FAT1: variants seen among roughly 807,000 people sequenced by gnomAD.
FAT1 encodes the protein protocadherin Fat 1.
Under a neutral mutation model 329.8 loss-of-function variants are expected in FAT1, and 171 were observed. The ratio of observed to expected loss-of-function variants is 0.52; its 90% CI spans 0.46 to 0.59. FAT1 has a LOEUF of 0.59. Ranked by LOEUF, FAT1 falls within the 20% of genes least tolerant of loss-of-function variation. The probability of loss-of-function intolerance (pLI) is 0.00; values close to 1 mark genes in which losing one functional copy is unlikely to be tolerated. For synonymous variants in FAT1, 2,233 were observed against 2,228.6 expected, an observed-to-expected ratio of 1.00 and a Z score of -0.06; for missense variants, 5,672 against 5,774.4, an observed-to-expected ratio of 0.98 and a Z score of 0.57.
rs1218747722 is a variant in FAT1 at position 186,619,888 on chromosome 4, G to C, written c.6698C>G (p.Thr2233Ser). The change falls in exon 10 of 27, where the codon ACT (threonine) becomes AGT (serine). Residue 2233 changes from threonine (T) to serine (S), a missense_variant. Coordinates refer to ENST00000441802, the MANE Select transcript of FAT1 (RefSeq NM_005245.4). ...PFSQFTINFN[T>S]GVINVIAPLD... The stretch of plus-strand genomic sequence containing the variant: ...AGGAGCTATGACATTGATAACTCCA[G>C]TATTGAAGTTAATAGTGAACTGGCT... 1 of 1,613,830 alleles carries C rather than the reference G, an allele frequency of 6.2e-7. No individual in the cohort carries two copies. Among genetic ancestry groups the C allele is most frequent in the East Asian group, 2.2e-5 (1 of 44,890 alleles).
intron 2 of FAT1, among the ~76,000 whole-genome samples, chr4:186,685,167 A>C (rs530428647): frequency 1.3e-5 from 2 of 152,198 alleles, no homozygotes; most frequent in African/African-American, 4.8e-5. Context: ...AGGGCATTAC[A>C]CTGAGATCAA....
intron 2 of FAT1, among the ~76,000 whole-genome samples, chr4:186,666,928 A>G (rs1054087290): frequency 3.3e-5 from 5 of 152,240 alleles, no homozygotes; most frequent in Non-Finnish European, 7.3e-5. Context: ...CGCCAGCAAT[A>G]TCCTTGTCAG....
At position 186,636,803 on chromosome 4, in the gene FAT1, T is replaced by C; in HGVS notation, c.3754A>G (p.Ile1252Val). 1.2e-6 allele frequency: 2 copies of C among 1,614,030 alleles called. No individual in the cohort carries two copies. The highest frequency in any genetic ancestry group is 1.7e-6 in the Non-Finnish European group (2 of 1,179,894). The change falls in exon 5 of 27, where the codon ATC (isoleucine) becomes GTC (valine). Residue 1252 changes from isoleucine (I) to valine (V), a missense_variant. This residue lies in a region of FAT1 where 3,966 missense variants were observed against 3,915.2 expected (regional missense o/e 1.01). Transcript: ENST00000441802. ...KPQFLQKFYK[I>V]RLPEREKPDR... Reference sequence around the variant, plus strand: ...GGCTTTTCCCGCTCAGGGAGTCTGATTTTGTAGAACTTTTGCAGAAACTGA... The same window carrying C: ...GGCTTTTCCCGCTCAGGGAGTCTGACTTTGTAGAACTTTTGCAGAAACTGA...
rs115921693 is a variant in FAT1, at chr4:186,629,663, C to A, written c.4324-900G>T. Among the ~76,000 whole-genome samples, 603 of 152,332 alleles carry A rather than the reference C, an allele frequency of 4.0e-3. 5 individuals are homozygous for A. Among genetic ancestry groups the A allele is most frequent in the African/African-American group, 0.014 (574 of 41,576 alleles). Reference sequence around the variant, plus strand: ...CAGGGGGCCAGGGTCCCAGGCAGAGCGGTCAACCACATGGTGCAGGCCATG... The same window carrying A: ...CAGGGGGCCAGGGTCCCAGGCAGAGAGGTCAACCACATGGTGCAGGCCATG... On this transcript the variant is annotated intron_variant, in intron 7 of 26. Transcript: ENST00000441802.
rs1446003576 is a variant in FAT1 at position 186,611,462 on chromosome 4, A to T, written c.9777T>A (p.Ile3259=). The change falls in exon 14 of 27, where the codon ATT becomes ATA. Residue 3259 remains isoleucine, a synonymous_variant. Coordinates refer to ENST00000441802, the MANE Select transcript of FAT1 (RefSeq NM_005245.4). ...VLQVYAASRD[I]EANAEITYSI... ...AGTAGGTGATTTCTGCATTTGCTTCAATATCCCGACTTGCTGCATACACTT... is the reference window on the plus strand; with the variant it reads ...AGTAGGTGATTTCTGCATTTGCTTCTATATCCCGACTTGCTGCATACACTT... 6.2e-7 allele frequency: 1 copy of T among 1,613,850 alleles called. No individual in the cohort carries two copies. Among genetic ancestry groups the T allele is most frequent in the Non-Finnish European group, 8.5e-7 (1 of 1,179,866 alleles).
In FAT1 at chr4:186,605,977, A is replaced by C. The variant is rs901349456; in HGVS notation, c.10350+93T>G. ...ATTCTACGTTTCCCATTTTTCTAGA[A>C]AGAAACCTTTGGATAAGAAAGAAAA... On this transcript the variant is annotated intron_variant, in intron 17 of 26. Coordinates refer to ENST00000441802, the MANE Select transcript of FAT1 (RefSeq NM_005245.4). 5 of 1,229,686 alleles carry C rather than the reference A, an allele frequency of 4.1e-6. No homozygotes were observed. The African/African-American group carries it at 7.6e-5, about 19-fold the overall frequency. 76.2% of individuals were successfully genotyped at this position (1,229,686 alleles called of 1,614,324 possible). A position where few individuals can be genotyped will look rare whatever the true frequency, so the allele number is the denominator to read the frequency against.
At chr4:186,696,577 C>T (rs1397272697) in intron 2 of FAT1, among the ~76,000 whole-genome samples, 1 of 152,142 alleles carries the variant, frequency 6.6e-6, no homozygotes, top group Non-Finnish European at 1.5e-5. Context: ...TAATGTCAAG[C>T]AGCCCTAAGA....
intron 1 of FAT1, among the ~76,000 whole-genome samples, chr4:186,714,404 C>T (rs1579501558): frequency 6.6e-6 from 1 of 151,884 alleles, no homozygotes; most frequent in African/African-American, 2.4e-5. Flanking sequence ...GGGAGCAGAT[C>T]GGGAGGTCAG....
At position 186,628,547 on chromosome 4, in the gene FAT1, G is replaced by A. The variant is rs763412920; in HGVS notation, c.4540C>T (p.Leu1514Phe). The change falls in exon 8 of 27, where the codon CTC becomes TTC. Residue 1514 changes from leucine to phenylalanine, a missense_variant. Physicochemically the swap from Leu to Phe is conservative, Grantham distance 22. Around this residue, in one of 2 missense-constraint regions of FAT1, gnomAD observed 3,966 missense variants for 3,915.2 expected, o/e 1.01. Coordinates refer to ENST00000441802, the MANE Select transcript of FAT1 (RefSeq NM_005245.4). Reference protein sequence around the residue: ...KFRLDPATGSLYTSEKLDHEA... With the variant: ...KFRLDPATGSFYTSEKLDHEA... ...TGATCCAGTTTCTCAGAAGTATAGAGAGAGCCGGTTGCAGGATCAAGACGA... is the reference window on the plus strand; with the variant it reads ...TGATCCAGTTTCTCAGAAGTATAGAAAGAGCCGGTTGCAGGATCAAGACGA... 7 of 1,613,872 alleles carry A rather than the reference G, an allele frequency of 4.3e-6. No individual in the cohort carries two copies. Among genetic ancestry groups the A allele is most frequent in the Non-Finnish European group, 5.9e-6 (7 of 1,179,900 alleles).
intron 1 of FAT1, among the ~76,000 whole-genome samples, chr4:186,714,532 G>T (rs1158726483): frequency 6.6e-6 from 1 of 152,030 alleles, no homozygotes; most frequent in East Asian, 1.9e-4. Context: ...GTCTAAATAT[G>T]AAAGACGGTA....
chr4:186,677,131 A>C (rs2126639726), intron 2 of FAT1, among the ~76,000 whole-genome samples: 1 of 152,322 alleles, frequency 6.6e-6, no homozygotes, highest in African/African-American at 2.4e-5. Flanking sequence ...GCAGTTCTTA[A>C]ATTTTAATTC....
Position 186,618,688 on chromosome 4 carries a change from T to C in FAT1, c.7898A>G (p.Tyr2633Cys), listed in dbSNP as rs760616290. 1.9e-6 allele frequency: 3 copies of C among 1,614,062 alleles called. No homozygotes were observed. The highest frequency in any genetic ancestry group is 2.2e-5 in the East Asian group (1 of 44,886). ...ADEGSNADIT[Y>C]AIEADSESVK... ...ACTTTCAGAGTCTGCTTCAATGGCA[T>C]AGGTGATGTCGGCATTGGAGCCCTC... The change falls in exon 10 of 27, where the codon TAT becomes TGT. Residue 2633 changes from tyrosine to cysteine, a missense_variant. Tyr to Cys is a radical substitution (Grantham distance 194). Transcript: ENST00000441802.
At chr4:186,609,363 G>C in intron 15 of FAT1, 43 bp from the exon 16 acceptor site, 1 of 1,573,038 alleles carries the variant, frequency 6.4e-7, no homozygotes, top group Non-Finnish European at 8.6e-7. Flanking sequence ...GCTAAGAAGA[G>C]GCCTAAACCT....
chr4:186,628,457 ATGG>A, intron 8 of FAT1, 28 bp downstream of exon 8: 1 of 1,612,926 alleles, frequency 6.2e-7, no homozygotes, highest in Non-Finnish European at 8.5e-7. Context: ...TCAGGACCAA[ATGG>A]TGGGAGGAGA....
rs553222395 is a variant in FAT1, at chr4:186,636,726, G to A, written c.3831C>T (p.Thr1277=). 8.1e-6 allele frequency: 13 copies of A among 1,613,746 alleles called. No homozygotes were observed. The highest frequency in any genetic ancestry group is 6.7e-5 in the Admixed American group (4 of 59,998). ...RREPLYHVIA[T]DKDEGPNAEI... is the part of the protein sequence containing the mutation. ...CTGCATTGGGGCCCTCATCCTTGTC[G>A]GTGGCTATGACGTGATAGAGCGGCT... The change falls in exon 5 of 27, where the codon ACC becomes ACT. Residue 1277 remains threonine, a synonymous_variant. Coordinates refer to ENST00000441802, the MANE Select transcript of FAT1 (RefSeq NM_005245.4).
intron 2 of FAT1, among the ~76,000 whole-genome samples, chr4:186,685,796 A>G (rs1164923760): frequency 6.6e-6 from 1 of 152,246 alleles, no homozygotes; most frequent in Non-Finnish European, 1.5e-5. Flanking sequence ...AAAAGAGAAT[A>G]CTGGCAGGTC....
At chr4:186,689,292 C>G (rs1215986835) in intron 2 of FAT1, among the ~76,000 whole-genome samples, 1 of 152,148 alleles carries the variant, frequency 6.6e-6, no homozygotes, top group East Asian at 1.9e-4. Context: ...CCAAATTATG[C>G]CCCCCAAAAA....
intron 3 of FAT1, among the ~76,000 whole-genome samples, chr4:186,660,620 C>G (rs1018080906): frequency 6.6e-6 from 1 of 152,190 alleles, no homozygotes; most frequent in Non-Finnish European, 1.5e-5. Flanking sequence ...GTGCTCCCGC[C>G]GGGGCTGGGG....
In FAT1 at chr4:186,610,744, T is replaced by A. The variant is rs571075930; in HGVS notation, c.9853+642A>T. 4.2e-4 allele frequency among the ~76,000 whole-genome samples: 58 copies of A among 138,006 alleles called. 1 individual carries two copies. The highest frequency in any genetic ancestry group is 8.7e-4 in the South Asian group (4 of 4,616). The allele number at this position is 138,006 out of a possible 152,430, so 90.5% of individuals were successfully genotyped here. A position where few individuals can be genotyped will look rare whatever the true frequency, so the allele number is the denominator to read the frequency against. ...TTTATATAAATATAAATTTATATAA[T>A]TTATATAAATATAAATTTGAATGGA... On this transcript the variant is annotated intron_variant, in intron 14 of 26. Transcript: ENST00000441802.
Sources: allele counts gnomAD v4.1 joint callset (sites outside exome capture counted in the v4.1 genomes callset), GRCh38; gene constraint gnomAD v4.1.1; regional missense constraint gnomAD v4.1.1; transcripts MANE v1.5; gene names NCBI Gene and HGNC (gene_info 2026-07-23, HGNC 2026-07-21).